SMAD9: variants seen among roughly 807,000 people sequenced by gnomAD.
SMAD9 encodes MAD homolog 9.
SMAD9 carries 36 observed loss-of-function variants against 46.1 expected under a neutral mutation model. The ratio of observed to expected loss-of-function variants is 0.78; its 90% CI spans 0.60 to 1.03. SMAD9 has a LOEUF of 1.03. SMAD9 is among the 50% of genes least tolerant of loss of function. SMAD9 has a pLI of 0.00. For synonymous variants in SMAD9, 245 were observed against 237.1 expected, an observed-to-expected ratio of 1.03 and a Z score of -0.31; for missense variants, 572 against 599.8, an observed-to-expected ratio of 0.95 and a Z score of 0.48.
chr13:36,849,048 A>C (rs1030490331), intron 6 of SMAD9, among the ~76,000 whole-genome samples: 1 of 152,218 alleles, frequency 6.6e-6, no homozygotes, highest in African/African-American at 2.4e-5. Flanking sequence ...TCACAACTGA[A>C]TACTCGGATC....
intron 5 of SMAD9, among the ~76,000 whole-genome samples, chr13:36,862,357 C>T (rs1469084245): frequency 2.0e-5 from 3 of 152,116 alleles, no homozygotes; most frequent in Non-Finnish European, 4.4e-5. Context: ...CAAAACCCAC[C>T]CAAACCAAGA....
intron 5 of SMAD9, among the ~76,000 whole-genome samples, chr13:36,856,783 G>A (rs569684803): frequency 2.9e-4 from 44 of 151,538 alleles, no homozygotes; most frequent in Non-Finnish European, 5.0e-4. Context: ...CCAGGGTGAG[G>A]CCGGGTGACC....
At chr13:36,860,269 G>T (rs1019246106) in intron 5 of SMAD9, among the ~76,000 whole-genome samples, 1 of 151,866 alleles carries the variant, frequency 6.6e-6, no homozygotes, top group African/African-American at 2.4e-5. Flanking sequence ...CAGAACTTGA[G>T]ATATACAAGA....
rs533246958 is a variant in SMAD9 at position 36,845,329 on chromosome 13, AAACAAAACAT to A, written c.*3337_*3346del. Reference sequence around the variant, plus strand: ...TTTATACTGAGTGTAAAACAAAACAAAACAAAACATAAGGTATATGTGTTAAGTAGTGACA... The same window carrying A: ...TTTATACTGAGTGTAAAACAAAACAAAAGGTATATGTGTTAAGTAGTGACA... On this transcript the variant is annotated 3_prime_UTR_variant, in exon 7 of 7. Coordinates refer to ENST00000379826, the MANE Select transcript of SMAD9 (RefSeq NM_001127217.3). The A allele has an allele frequency of 7.9e-5, 12 of 152,320 alleles. No individual in the cohort carries two copies. The highest frequency in any genetic ancestry group is 2.4e-4 in the African/African-American group (10 of 41,562). The allele number at this position is 152,320 out of a possible 1,614,324, so 9.4% of individuals were successfully genotyped here.
Position 36,879,802 on chromosome 13 carries a change from G to T in SMAD9, c.-113C>A, listed in dbSNP as rs2058387164. ...TAGGGACCAACCCGCCCGTTCTTCT[G>T]GGAGCAGCTGGGACCAATTCAAGTT... On this transcript the variant is annotated 5_prime_UTR_variant, in exon 2 of 7. Transcript: ENST00000379826. The T allele has an allele frequency of 3.5e-6, 4 of 1,148,252 alleles. No homozygotes were observed. The Admixed American group carries it at 7.5e-5, about 22-fold the overall frequency. 71.1% of individuals were successfully genotyped at this position (1,148,252 alleles called of 1,614,324 possible). A position where few individuals can be genotyped will look rare whatever the true frequency, so the allele number is the denominator to read the frequency against.
chr13:36,875,727 G>A (rs952268784), intron 2 of SMAD9, among the ~76,000 whole-genome samples: 3 of 152,164 alleles, frequency 2.0e-5, no homozygotes, highest in African/African-American at 7.2e-5. Context: ...TCATCTCTGT[G>A]ACTTCAGTTT....
chr13:36,872,504 G>A (rs2058304304), intron 3 of SMAD9, among the ~76,000 whole-genome samples, 154 bp downstream of exon 3: 1 of 151,728 alleles, frequency 6.6e-6, no homozygotes, highest in Non-Finnish European at 1.5e-5. Flanking sequence ...TTCAAAATAG[G>A]TATAGTCCTA....
In SMAD9 at chr13:36,879,552, C is replaced by T. The variant is rs752827720; in HGVS notation, c.138G>A (p.Lys46=). ...KAVDSLVKKL[K]KKKGAMDELE... ...GCTCGTCCATGGCTCCCTTCTTCTT[C>T]TTTAACTTCTTCACTAGAGAGTCCA... Residue 46 remains lysine (K), a synonymous_variant, in exon 2 of 7, where the codon AAG becomes AAA. Coordinates refer to ENST00000379826, the MANE Select transcript of SMAD9 (RefSeq NM_001127217.3). The T allele has an allele frequency of 6.2e-7, 1 of 1,614,188 alleles. No homozygotes were observed. Among genetic ancestry groups the T allele is most frequent in the Non-Finnish European group, 8.5e-7 (1 of 1,180,002 alleles).
intron 1 of SMAD9, among the ~76,000 whole-genome samples, chr13:36,892,893 C>A (rs867620660): frequency 6.6e-6 from 1 of 152,132 alleles, no homozygotes; most frequent in Non-Finnish European, 1.5e-5. Flanking sequence ...GAAACACTGG[C>A]ACTTTTTTGG....
At chr13:36,851,742 CTATAGT>C (rs2058076504) in intron 6 of SMAD9, 1 of 971,782 alleles carries the variant, frequency 1.0e-6, no homozygotes, top group Admixed American at 6.2e-5. Flanking sequence ...AAAAAATGAT[CTATAGT>C]TATATTTACT....
rs760930949 is a variant in SMAD9 at position 36,872,710 on chromosome 13, G to A, written c.618C>T (p.Tyr206=). The A allele has an allele frequency of 1.9e-6, 3 of 1,614,006 alleles. No individual in the cohort carries two copies. The highest frequency in any genetic ancestry group is 2.7e-5 in the African/African-American group (2 of 75,002). The change falls in exon 3 of 7, where the codon TAC becomes TAT. Residue 206 remains tyrosine (Y), a synonymous_variant. Transcript: ENST00000379826. The stretch of plus-strand genomic sequence containing the variant: ...CAGAAGGACTTCCTGGGGAGTGAGG[G>A]TAGCTGGCCGTGCACGGGGACTGGG... ...AFSQSPCTAS[Y]PHSPGSPSEP...
intron 1 of SMAD9, among the ~76,000 whole-genome samples, chr13:36,907,025 A>T (rs1466256499): frequency 6.6e-6 from 1 of 152,230 alleles, no homozygotes. Context: ...AAATTGTTAT[A>T]TATATACAAT....
At chr13:36,891,432 G>A (rs1225305232) in intron 1 of SMAD9, among the ~76,000 whole-genome samples, 1 of 152,176 alleles carries the variant, frequency 6.6e-6, no homozygotes, top group Non-Finnish European at 1.5e-5. Flanking sequence ...TCTTAAACAT[G>A]TAATAAAATA....
intron 1 of SMAD9, among the ~76,000 whole-genome samples, chr13:36,892,159 A>C (rs1278416532): frequency 6.6e-6 from 1 of 152,210 alleles, no homozygotes; most frequent in Non-Finnish European, 1.5e-5. Context: ...TGAAAACTTA[A>C]ACTGGAGCCA....
chr13:36,857,865 T>A (rs2058141931), intron 5 of SMAD9, among the ~76,000 whole-genome samples: 1 of 152,176 alleles, frequency 6.6e-6, no homozygotes, highest in Admixed American at 6.6e-5. Flanking sequence ...GCACAACGCC[T>A]CCTCTCGAGT....
At chr13:36,904,402 A>G (rs895721230) in intron 1 of SMAD9, among the ~76,000 whole-genome samples, 5 of 152,198 alleles carry the variant, frequency 3.3e-5, no homozygotes, top group African/African-American at 1.2e-4. Context: ...GAATCGCTCT[A>G]TCCAAGCCTC....
At chr13:36,911,318 T>C (rs1333925766) in intron 1 of SMAD9, among the ~76,000 whole-genome samples, 2 of 152,182 alleles carry the variant, frequency 1.3e-5, no homozygotes, top group Non-Finnish European at 2.9e-5. Context: ...CCAACTATTG[T>C]ATCATTAAGC....
At chr13:36,861,624 G>T (rs970069581) in intron 5 of SMAD9, among the ~76,000 whole-genome samples, 2 of 148,052 alleles carry the variant, frequency 1.4e-5, no homozygotes, top group Non-Finnish European at 3.0e-5. Context: ...TCACTAAAAA[G>T]AATTTTTAAA....
At chr13:36,851,657 G>C in intron 6 of SMAD9, 2 of 770,976 alleles carry the variant, frequency 2.6e-6, no homozygotes, top group Non-Finnish European at 3.2e-6. Context: ...GTAAAAATCA[G>C]AGCTGAAAGA....
Sources: gnomAD v4.1 joint callset for allele counts (sites outside exome capture counted in the v4.1 genomes callset) on GRCh38, gnomAD v4.1.1 for gene constraint, MANE v1.5 for transcripts, NCBI Gene and HGNC (gene_info 2026-07-23, HGNC 2026-07-21) for gene names.